Variants in RASSF3 observed in about 807,000 individuals in gnomAD.
RASSF3 encodes Ras association domain family member 3, also known as ras association domain-containing protein 3.
A neutral mutation model predicts 19.9 loss-of-function variants in RASSF3; 19 were observed. That is an observed-to-expected ratio of 0.96 (90% CI 0.67 to 1.40). The LOEUF (loss-of-function observed/expected upper bound fraction) is 1.40, where lower values mean the gene tolerates loss of function less well. Ranked by LOEUF, RASSF3 falls within the 40% of genes most tolerant of loss-of-function variation. The pLI is 0.00. For missense variants in RASSF3, 306 were observed against 289.8 expected (o/e 1.06, Z -0.41); for synonymous variants, 110 against 104.2 (o/e 1.06, Z -0.34).
Position 64,603,434 on chromosome 12 carries a change from G to C in RASSF3, c.294+61729G>C, listed in dbSNP as rs115537616. The stretch of plus-strand genomic sequence containing the variant: ...GGTTTATCTTGCAGTCCTCGTACCA[G>C]GTAGTGCCCTTTGCACAAAATATTT... On this transcript the variant is annotated intron_variant, in intron 2 of 5. Coordinates refer to the RASSF3 transcript ENST00000637125. Among the ~76,000 whole-genome samples the C allele has an allele frequency of 3.3e-3, 510 of 152,260 alleles. 5 individuals carry two copies. The highest frequency in any genetic ancestry group is 0.012 in the African/African-American group (488 of 41,534).
chr12:64,632,055 A>G (rs1246152460), intron 1 of RASSF3, among the ~76,000 whole-genome samples: 1 of 152,128 alleles, frequency 6.6e-6, no homozygotes, highest in African/African-American at 2.4e-5. Flanking sequence ...GAGAAGTTCA[A>G]TCTAGAAATG....
intron 1 of RASSF3, among the ~76,000 whole-genome samples, chr12:64,533,904 C>A (rs891481976): frequency 2.0e-5 from 3 of 152,128 alleles, no homozygotes; most frequent in Non-Finnish European, 2.9e-5. Flanking sequence ...GGGCTTCCTG[C>A]GGCTTCGGGA....
At position 64,687,313 on chromosome 12, in the gene RASSF3, G is replaced by A. The variant is rs997009740; in HGVS notation, c.220-903G>A. On this transcript the variant is annotated intron_variant, in intron 2 of 4. Coordinates refer to ENST00000542104, the MANE Select transcript of RASSF3 (RefSeq NM_178169.4). ...CACTGCGCCTGGCCCCAAATATACT[G>A]AATACAAAAATAAAAATAAAAAGTG... Among the ~76,000 whole-genome samples the A allele has an allele frequency of 8.6e-5, 13 of 151,934 alleles. No homozygotes were observed. In the South Asian group the frequency reaches 1.2e-3, roughly 15 times the overall value.
At chr12:64,508,162 TA>T (rs144764069) in intron 1 of RASSF3, among the ~76,000 whole-genome samples, 7,166 of 152,276 alleles carry the variant, frequency 0.047, 571 homozygotes, top group African/African-American at 0.16. Context: ...ATGTGTTTGA[TA>T]CATTATCAAA....
chr12:64,559,658 C>T (rs1443170528), intron 2 of RASSF3, among the ~76,000 whole-genome samples: 2 of 152,146 alleles, frequency 1.3e-5, no homozygotes, highest in Non-Finnish European at 2.9e-5. Context: ...TCAGCATGGC[C>T]TAATATTGCA....
downstream of RASSF3, chr12:64,541,799 T>C (rs886381497): frequency 5.0e-6 from 2 of 396,840 alleles, no homozygotes; most frequent in Non-Finnish European, 8.9e-6. Flanking sequence ...ATGGCTTACG[T>C]ATGTATCTTC....
In RASSF3 at chr12:64,610,740, A is replaced by C. The variant is rs77813527; in HGVS notation, c.108A>C (p.Gln36His). The change falls in exon 1 of 5, where the codon CAA becomes CAC. Residue 36 changes from glutamine to histidine, a missense_variant. Transcript: ENST00000542104. The stretch of plus-strand genomic sequence containing the variant: ...CCCAGGGCAAGCCCCGCTCCGGCCA[A>C]CAAGTGAGTGGCGCGCGGCGGGCGC... ...RAPQGKPRSG[Q>H]QDVEKEKETH... 6.3e-7 allele frequency: 1 copy of C among 1,581,834 alleles called. No individual in the cohort carries two copies. The highest frequency in any genetic ancestry group is 8.6e-7 in the Non-Finnish European group (1 of 1,164,900).
chr12:64,692,262 A>C (rs184107670), intron 4 of RASSF3, among the ~76,000 whole-genome samples: 27 of 152,278 alleles, frequency 1.8e-4, no homozygotes, highest in Non-Finnish European at 2.1e-4. Flanking sequence ...AATGGTGTGA[A>C]ATGTCCTACA....
At chr12:64,559,982 G>C (rs150907704) in intron 2 of RASSF3, among the ~76,000 whole-genome samples, 1 of 152,218 alleles carries the variant, frequency 6.6e-6, no homozygotes, top group African/African-American at 2.4e-5. Flanking sequence ...GGCAGCTCCT[G>C]AGAGGGCAAC....
intron 4 of RASSF3, among the ~76,000 whole-genome samples, 158 bp downstream of exon 4, chr12:64,691,737 G>GAGGGCAGGGGGGTGGGAAGAGA (rs1555217324): frequency 6.6e-6 from 1 of 151,696 alleles, no homozygotes. Flanking sequence ...CAGGGAGAGG[G>GAGGGCAGGGGGGTGGGAAGAGA]AGAGGGATTT....
intron 1 of RASSF3, among the ~76,000 whole-genome samples, chr12:64,534,900 G>A (rs1020424639): frequency 6.6e-6 from 1 of 152,138 alleles, no homozygotes; most frequent in South Asian, 2.1e-4. Context: ...CCAGTAAGTA[G>A]TTGTATTTCT....
chr12:64,688,139 CGTTTT>C, intron 2 of RASSF3, 72 bp from the exon 3 acceptor site: 3 of 956,068 alleles, frequency 3.1e-6, no homozygotes, highest in Non-Finnish European at 5.1e-6. Flanking sequence ...TTCACCTTCC[CGTTTT>C]GTTTTGATAT....
chr12:64,552,865 G>A (rs372403918), intron 2 of RASSF3, among the ~76,000 whole-genome samples: 1 of 151,636 alleles, frequency 6.6e-6, no homozygotes, highest in Admixed American at 6.6e-5. Flanking sequence ...CACCCAGGCT[G>A]GAGTGCAATG....
chr12:64,529,864 G>A (rs984127292), upstream of RASSF3, among the ~76,000 whole-genome samples: 4 of 152,160 alleles, frequency 2.6e-5, no homozygotes, highest in African/African-American at 9.6e-5. Context: ...ACAAACAGAA[G>A]AGAGAGGTTT....
chr12:64,519,713 T>C (rs192874797), intron 1 of RASSF3, among the ~76,000 whole-genome samples: 1 of 151,980 alleles, frequency 6.6e-6, no homozygotes, highest in Admixed American at 6.6e-5. Context: ...CTACTCCCTA[T>C]TTTTTTTATG....
At chr12:64,688,742 G>A (rs960934990) in intron 3 of RASSF3, among the ~76,000 whole-genome samples, 14 of 152,156 alleles carry the variant, frequency 9.2e-5, no homozygotes, top group African/African-American at 3.1e-4. Flanking sequence ...GTTTTTGGTG[G>A]TTGTTAGGAG....
chr12:64,680,013 TTTCTTTTAACCC>T (rs1309280759), intron 1 of RASSF3, among the ~76,000 whole-genome samples: 1 of 152,134 alleles, frequency 6.6e-6, no homozygotes, highest in Non-Finnish European at 1.5e-5. Context: ...GCTGCACCAT[TTTCTTTTAACCC>T]TTCTTTCTTG....
intron 2 of RASSF3, among the ~76,000 whole-genome samples, chr12:64,583,126 G>T (rs1041529120): frequency 2.0e-5 from 3 of 152,110 alleles, no homozygotes; most frequent in Non-Finnish European, 4.4e-5. Context: ...GCAATGGGAG[G>T]TACCTGAGGA....
At chr12:64,519,826 G>A (rs535505403) in intron 1 of RASSF3, among the ~76,000 whole-genome samples, 15 of 151,920 alleles carry the variant, frequency 9.9e-5, no homozygotes, top group Admixed American at 1.3e-4. Context: ...ATGTGTGTGC[G>A]TGTATATATG....
Sources: gnomAD v4.1 joint callset for allele counts (sites outside exome capture counted in the v4.1 genomes callset) on GRCh38, gnomAD v4.1.1 for gene constraint, MANE v1.5 for transcripts, NCBI Gene and HGNC (gene_info 2026-07-23, HGNC 2026-07-21) for gene names.